KNTC1: variants seen among roughly 807,000 people sequenced by gnomAD.
The protein encoded by KNTC1 is kinetochore-associated protein 1.
Under a neutral mutation model 314.4 loss-of-function variants are expected in KNTC1, and 253 were observed. The observed-to-expected ratio is 0.80, with a 90% CI of 0.73 to 0.89. KNTC1 has a LOEUF of 0.89. Ranked by LOEUF, KNTC1 falls within the 40% of genes least tolerant of loss-of-function variation. The pLI, the probability that KNTC1 is intolerant of heterozygous loss-of-function variation, is 0.00. For missense variants in KNTC1, 2,475 were observed against 2,572.9 expected (o/e 0.96, Z 0.82); for synonymous variants, 901 against 901.4 (o/e 1.00, Z 0.01).
intron 42 of KNTC1, chr12:122,592,671 A>T (rs1445127386): frequency 6.6e-6 from 1 of 152,144 alleles, no homozygotes; most frequent in African/African-American, 2.4e-5. Flanking sequence ...TCTGATGGGG[A>T]CGTGGAGAAC....
intron 16 of KNTC1, among the ~76,000 whole-genome samples, chr12:122,554,787 T>C (rs548842965): frequency 6.3e-4 from 96 of 152,338 alleles, no homozygotes; most frequent in African/African-American, 2.3e-3. Context: ...AAGTTGGTAT[T>C]GTGTCCATAG....
At chr12:122,592,202 G>A (rs957946543) in intron 42 of KNTC1, among the ~76,000 whole-genome samples, 2 of 152,240 alleles carry the variant, frequency 1.3e-5, no homozygotes, top group Non-Finnish European at 2.9e-5. Flanking sequence ...GGGTCCCCCA[G>A]CAGTACCAGC....
intron 43 of KNTC1, 45 bp from the exon 44 acceptor site, chr12:122,597,686 T>C (rs1160484826): frequency 6.6e-7 from 1 of 1,504,360 alleles, no homozygotes; most frequent in East Asian, 2.3e-5. Flanking sequence ...TGCATGGAAA[T>C]GCCTGCAGTT....
In KNTC1 at chr12:122,549,009, C is replaced by T. The variant is rs538744742; in HGVS notation, c.988-757C>T. On this transcript the variant is annotated intron_variant, in intron 12 of 63. Transcript: ENST00000333479. ...AATAAGTCATACGGTAACAGACTTA[C>T]TTATAAATGCTTATTTTTTGCATTT... 3.6e-4 allele frequency among the ~76,000 whole-genome samples: 55 copies of T among 152,230 alleles called. 1 individual carries two copies. The East Asian group carries it at 7.3e-3, about 20-fold the overall frequency.
At position 122,552,446 on chromosome 12, in the gene KNTC1, C is replaced by T. The variant is rs529035345; in HGVS notation, c.1272+750C>T. Among the ~76,000 whole-genome samples, 30 of 152,292 alleles carry T rather than the reference C, an allele frequency of 2.0e-4. No homozygotes were observed. The Middle Eastern group carries it at 0.017, about 86-fold the overall frequency. Reference sequence around the variant, plus strand: ...GTGGGGCGATCACAGCTTACCGCAGCCTTGACCTCCCAGGCTCAAGTGATC... The same window carrying T: ...GTGGGGCGATCACAGCTTACCGCAGTCTTGACCTCCCAGGCTCAAGTGATC... On this transcript the variant is annotated intron_variant, in intron 16 of 63. Transcript: ENST00000333479.
chr12:122,610,681 C>T (rs1031665287), intron 52 of KNTC1, 141 bp from the exon 53 acceptor site: 16 of 602,892 alleles, frequency 2.7e-5, no homozygotes, highest in African/African-American at 2.4e-4. Context: ...AAGGGGGAAG[C>T]GCAAATGTCA....
intron 31 of KNTC1, among the ~76,000 whole-genome samples, chr12:122,578,570 G>A (rs1389339554): frequency 6.6e-6 from 1 of 151,882 alleles, no homozygotes; most frequent in East Asian, 1.9e-4. Flanking sequence ...ACAGGCGTCC[G>A]CCACCACACC....
chr12:122,599,979 A>G (rs1198130859), intron 44 of KNTC1, among the ~76,000 whole-genome samples: 1 of 152,204 alleles, frequency 6.6e-6, no homozygotes, highest in African/African-American at 2.4e-5. Flanking sequence ...TGATTGCACC[A>G]CTGCACTCCA....
intron 59 of KNTC1, 146 bp downstream of exon 59, chr12:122,618,691 T>C: frequency 1.4e-6 from 1 of 712,690 alleles, no homozygotes; most frequent in East Asian, 2.7e-5. Context: ...TGTTTTGAGA[T>C]GGAGTCTTGC....
Position 122,539,724 on chromosome 12 carries a change from C to G in KNTC1, c.415C>G (p.Leu139Val), listed in dbSNP as rs1962133914. ...NDENRRTYQN[L>V]VIEKDGSNEG... is the part of the protein sequence containing the mutation. ...TGAAAATCGGCGGACTTACCAGAAT[C>G]TTGTCATTGAGAAGGATGGTTCAAA... Residue 139 changes from leucine to valine, a missense_variant, in exon 5 of 64, where the codon CTT becomes GTT. Physicochemically the swap from Leu to Val is conservative, Grantham distance 32 (BLOSUM62 1). Coordinates refer to ENST00000333479, the MANE Select transcript of KNTC1 (RefSeq NM_014708.6). 1 of 1,575,802 alleles carries G rather than the reference C, an allele frequency of 6.3e-7. No individual in the cohort carries two copies. The highest frequency in any genetic ancestry group is 8.6e-7 in the Non-Finnish European group (1 of 1,160,518).
intron 53 of KNTC1, chr12:122,611,424 GAGAAAAGGA>G (rs774520633): frequency 6.6e-6 from 1 of 152,448 alleles, no homozygotes; most frequent in Non-Finnish European, 1.5e-5. Context: ...ATGATTCTCA[GAGAAAAGGA>G]AGAAAAGGAA....
chr12:122,587,995 A>C (rs1565990509), intron 39 of KNTC1, 121 bp downstream of exon 39: 2 of 780,432 alleles, frequency 2.6e-6, no homozygotes, highest in East Asian at 2.9e-5. Context: ...GTAATTCGTC[A>C]GATTTAAGAA....
chr12:122,580,719 AT>A, intron 33 of KNTC1, 49 bp downstream of exon 33: 4 of 1,293,208 alleles, frequency 3.1e-6, no homozygotes, highest in African/African-American at 1.5e-5. Context: ...CAATCAGTGC[AT>A]TTTTCCCTCC....
Position 122,609,425 on chromosome 12 carries a change from A to T in KNTC1, c.5538A>T (p.Leu1846=). 1 of 1,574,392 alleles carries T rather than the reference A, an allele frequency of 6.4e-7. No individual in the cohort carries two copies. The highest frequency in any genetic ancestry group is 8.7e-7 in the Non-Finnish European group (1 of 1,155,154). ...TTGAACTTCAAGAAGATGAAGCCCT[A>T]CGAAGGTACTCTTTTCCTTTACTTA... The part of the protein sequence containing the change: ...ELFELQEDEA[L]RRVQYLLLSR... Residue 1846 remains leucine (L), a synonymous_variant, in exon 52 of 64, where the codon CTA becomes CTT. Transcript: ENST00000333479.
rs762027879 is a variant in KNTC1, at chr12:122,594,319, A to G, written c.4289A>G (p.Lys1430Arg). The change falls in exon 43 of 64, where the codon AAA becomes AGA. Residue 1430 changes from lysine (K) to arginine (R), a missense_variant. Transcript: ENST00000333479. ...TTCAGGCAACATTTTCTCACCAAGAAAGACCTCATTAAAGCTCTTGTGGAG... is the reference window on the plus strand; with the variant it reads ...TTCAGGCAACATTTTCTCACCAAGAGAGACCTCATTAAAGCTCTTGTGGAG... ...PVFRQHFLTK[K>R]DLIKALVENI... 6.2e-7 allele frequency: 1 copy of G among 1,611,408 alleles called. No homozygotes were observed. Among genetic ancestry groups the G allele is most frequent in the Admixed American group, 1.7e-5 (1 of 59,974 alleles).
At chr12:122,612,072 T>G (rs996289815) in intron 53 of KNTC1, among the ~76,000 whole-genome samples, 5 of 133,662 alleles carry the variant, frequency 3.7e-5, no homozygotes, top group African/African-American at 1.0e-4. Context: ...TTTTTTTGTG[T>G]TTTTTTTTTT....
chr12:122,543,690 A>C (rs977024723), intron 7 of KNTC1, 56 bp downstream of exon 7: 1 of 1,059,950 alleles, frequency 9.4e-7, no homozygotes, highest in African/African-American at 1.6e-5. Flanking sequence ...ATATTAATGT[A>C]GTAGAATGTT....
In KNTC1 at chr12:122,609,369, C is replaced by G. The variant is rs763267183; in HGVS notation, c.5497-15C>G. 4.5e-6 allele frequency: 7 copies of G among 1,546,088 alleles called. No individual in the cohort carries two copies. The South Asian group carries it at 8.5e-5, about 19-fold the overall frequency. ...CTTTTTCAGTTTTTGACCTTTTTTT[C>G]CTACCTTTTCAAAGAAACCATCAGA... On this transcript the variant is annotated splice_polypyrimidine_tract_variant and intron_variant, in intron 51 of 63. Coordinates refer to ENST00000333479, the MANE Select transcript of KNTC1 (RefSeq NM_014708.6).
At chr12:122,574,449 T>G in intron 27 of KNTC1, 69 bp downstream of exon 27, 1 of 927,198 alleles carries the variant, frequency 1.1e-6, no homozygotes, top group Non-Finnish European at 1.6e-6. Context: ...TTTTTTCTGT[T>G]CATAAAAGCG....
Sources: allele counts gnomAD v4.1 joint callset (sites outside exome capture counted in the v4.1 genomes callset), GRCh38; gene constraint gnomAD v4.1.1; transcripts MANE v1.5; gene names NCBI Gene and HGNC (gene_info 2026-07-23, HGNC 2026-07-21).